Variants in CCPG1 observed in about 807,000 individuals in gnomAD.
CCPG1 encodes cell cycle progression 1.
A neutral mutation model predicts 81.3 loss-of-function variants in CCPG1; 46 were observed. The observed-to-expected ratio is 0.57, with a 90% CI of 0.45 to 0.72. The LOEUF is 0.72. Among genes scored for constraint, CCPG1 ranks in the 30% least tolerant of loss-of-function variants. The probability of loss-of-function intolerance (pLI) is 0.00; values close to 1 mark genes in which losing one functional copy is unlikely to be tolerated. For synonymous variants in CCPG1, 330 were observed against 305.2 expected, an observed-to-expected ratio of 1.08 and a Z score of -0.85; for missense variants, 902 against 937.6, an observed-to-expected ratio of 0.96 and a Z score of 0.50.
intron 1 of CCPG1, among the ~76,000 whole-genome samples, chr15:55,404,640 T>C (rs946240792): frequency 1.6e-4 from 25 of 152,178 alleles, no homozygotes; most frequent in African/African-American, 6.0e-4. Context: ...GATCAAAAGA[T>C]GGGATGTACA....
Position 55,365,244 on chromosome 15 carries a change from T to C in CCPG1, c.772A>G (p.Met258Val), listed in dbSNP as rs748835953. 8 of 1,518,886 alleles carry C rather than the reference T, an allele frequency of 5.3e-6. No homozygotes were observed. In the South Asian group the frequency reaches 5.8e-5, roughly 11 times the overall value. 94.1% of individuals were successfully genotyped at this position (1,518,886 alleles called of 1,614,324 possible). ...RKIHEDELND[M>V]KDYLSQCQQE... is the part of the protein sequence containing the mutation. Reference sequence around the variant, plus strand: ...TGACACTGGGAAAGATAATCCTTCATATCATTCAATTCATCTTCATGTATC... The same window carrying C: ...TGACACTGGGAAAGATAATCCTTCACATCATTCAATTCATCTTCATGTATC... Residue 258 changes from methionine to valine, a missense_variant, in exon 7 of 9, where the codon ATG (methionine) becomes GTG (valine). This residue lies in a region of CCPG1 where 746 missense variants were observed against 728.6 expected (regional missense o/e 1.02). Transcript: ENST00000442196.
chr15:55,384,209 C>T (rs1455703776), intron 3 of CCPG1, among the ~76,000 whole-genome samples: 1 of 152,084 alleles, frequency 6.6e-6, no homozygotes, highest in East Asian at 1.9e-4. Context: ...GGGGGAATGG[C>T]AAGTCAGTAG....
chr15:55,392,521 A>AT (rs141394309), intron 1 of CCPG1, among the ~76,000 whole-genome samples: 7,597 of 148,060 alleles, frequency 0.051, 648 homozygotes, highest in African/African-American at 0.18. Flanking sequence ...CCTGGCCATG[A>AT]TTTTTTTTTT....
chr15:55,404,180 A>G (rs754035937), intron 1 of CCPG1, among the ~76,000 whole-genome samples: 1 of 152,114 alleles, frequency 6.6e-6, no homozygotes, highest in Non-Finnish European at 1.5e-5. Context: ...GGCAAGCTCC[A>G]AAGAAGACAA....
At position 55,361,376 on chromosome 15, in the gene CCPG1, C is replaced by T. The variant is rs1205606966; in HGVS notation, c.829-432G>A. Among the ~76,000 whole-genome samples the T allele has an allele frequency of 2.6e-5, 4 of 151,718 alleles. No individual in the cohort carries two copies. The East Asian group carries it at 7.8e-4, about 30-fold the overall frequency. On this transcript the variant is annotated intron_variant, in intron 7 of 8. Coordinates refer to ENST00000442196, the MANE Select transcript of CCPG1 (RefSeq NM_001204450.2). Reference sequence around the variant, plus strand: ...TAGCTAGAGCTTGCAGGACTAAAGGCTTTTCTGAATCAGGAAAAGAGATTA... The same window carrying T: ...TAGCTAGAGCTTGCAGGACTAAAGGTTTTTCTGAATCAGGAAAAGAGATTA...
rs755867915 is a variant in CCPG1, at chr15:55,360,174, G to A, written c.1599C>T (p.Phe533=). The A allele has an allele frequency of 6.8e-6, 11 of 1,613,220 alleles. No homozygotes were observed. Among genetic ancestry groups the A allele is most frequent in the Non-Finnish European group, 9.3e-6 (11 of 1,179,818 alleles). Residue 533 remains phenylalanine, a synonymous_variant, in exon 8 of 9, where the codon TTC becomes TTT. Coordinates refer to ENST00000442196, the MANE Select transcript of CCPG1 (RefSeq NM_001204450.2). Reference sequence around the variant, plus strand: ...TCTTGGTGGTATCTTTAAAGTGTCTGAAAGTGGATTTAACTGAATCTGAGA... The same window carrying A: ...TCTTGGTGGTATCTTTAAAGTGTCTAAAAGTGGATTTAACTGAATCTGAGA... The part of the protein sequence containing the change: ...KKFSDSVKST[F]RHFKDTTKNI...
chr15:55,376,448 A>C (rs892618537), intron 5 of CCPG1, among the ~76,000 whole-genome samples: 2 of 152,232 alleles, frequency 1.3e-5, no homozygotes, highest in Non-Finnish European at 2.9e-5. Context: ...GAAGGTCACG[A>C]GCTTTGGAAG....
intron 1 of CCPG1, among the ~76,000 whole-genome samples, chr15:55,402,266 C>G (rs1309602475): frequency 6.6e-6 from 1 of 152,202 alleles, no homozygotes; most frequent in Non-Finnish European, 1.5e-5. Flanking sequence ...CTCTGTCACT[C>G]ACCCAGGCGG....
At chr15:55,404,951 T>C (rs1162400923) in intron 1 of CCPG1, among the ~76,000 whole-genome samples, 1 of 151,802 alleles carries the variant, frequency 6.6e-6, no homozygotes, top group Non-Finnish European at 1.5e-5. Flanking sequence ...GTGCCTGTAA[T>C]CCCAGCTACG....
intron 1 of CCPG1, among the ~76,000 whole-genome samples, chr15:55,401,194 AT>A: frequency 6.6e-6 from 1 of 152,254 alleles, no homozygotes; most frequent in Middle Eastern, 3.4e-3. Flanking sequence ...TTTTTCTATA[AT>A]TTGAAATGCC....
intron 6 of CCPG1, among the ~76,000 whole-genome samples, chr15:55,369,741 A>C (rs2056409246): frequency 6.6e-6 from 1 of 152,260 alleles, no homozygotes; most frequent in African/African-American, 2.4e-5. Flanking sequence ...ACTAATAACC[A>C]AAATCCTACA....
Position 55,355,395 on chromosome 15 carries a change from A to C in CCPG1, c.*825T>G. The C allele has an allele frequency of 6.2e-7, 1 of 1,609,584 alleles. No homozygotes were observed. Among genetic ancestry groups the C allele is most frequent in the Non-Finnish European group, 8.5e-7 (1 of 1,177,976 alleles). Reference sequence around the variant, plus strand: ...AGTCACATATATGTCTATGAACGGAAGTTAAAAGGGAAATTCAACATGAAG... The same window carrying C: ...AGTCACATATATGTCTATGAACGGACGTTAAAAGGGAAATTCAACATGAAG... On this transcript the variant is annotated 3_prime_UTR_variant, in exon 9 of 9. Coordinates refer to ENST00000442196, the MANE Select transcript of CCPG1 (RefSeq NM_001204450.2).
intron 1 of CCPG1, among the ~76,000 whole-genome samples, chr15:55,399,625 C>G (rs1317428603): frequency 6.6e-6 from 1 of 151,828 alleles, no homozygotes; most frequent in Non-Finnish European, 1.5e-5. Context: ...CAAAATGAAA[C>G]TGATAAAAAA....
At chr15:55,366,991 C>T (rs1164887856) in intron 6 of CCPG1, among the ~76,000 whole-genome samples, 8 of 152,170 alleles carry the variant, frequency 5.3e-5, no homozygotes, top group Non-Finnish European at 1.2e-4. Flanking sequence ...ATCACTATTT[C>T]TTCCCTTACT....
At chr15:55,366,017 AAT>A (rs1200128799) in intron 6 of CCPG1, among the ~76,000 whole-genome samples, 1 of 152,154 alleles carries the variant, frequency 6.6e-6, no homozygotes, top group Non-Finnish European at 1.5e-5. Flanking sequence ...ACGTTAACGT[AAT>A]ATAAGTAAGG....
chr15:55,358,782 T>C (rs2056132975), intron 8 of CCPG1: 1 of 984,826 alleles, frequency 1.0e-6, no homozygotes, highest in Non-Finnish European at 1.2e-6. Context: ...GCTTCACCTT[T>C]GTTCATTATA....
intron 6 of CCPG1, among the ~76,000 whole-genome samples, chr15:55,368,898 G>C (rs192990686): frequency 1.4e-3 from 209 of 152,144 alleles, no homozygotes; most frequent in Non-Finnish European, 2.6e-3. Context: ...GATCACTTAA[G>C]GTCAGGAGTT....
chr15:55,376,563 TAAC>T (rs1348103640), intron 5 of CCPG1, among the ~76,000 whole-genome samples: 6 of 152,216 alleles, frequency 3.9e-5, no homozygotes, highest in Non-Finnish European at 7.3e-5. Flanking sequence ...GAGACTTTAA[TAAC>T]AATTTTTTTC....
At chr15:55,388,689 G>A (rs2056852425) in intron 2 of CCPG1, among the ~76,000 whole-genome samples, 2 of 151,962 alleles carry the variant, frequency 1.3e-5, no homozygotes, top group African/African-American at 4.8e-5. Flanking sequence ...GGAGTTAAAG[G>A]TTACATGGTA....
Sources: allele counts gnomAD v4.1 joint callset (sites outside exome capture counted in the v4.1 genomes callset), GRCh38; gene constraint gnomAD v4.1.1; regional missense constraint gnomAD v4.1.1; transcripts MANE v1.5; gene names NCBI Gene and HGNC (gene_info 2026-07-23, HGNC 2026-07-21).